The following SOX13 variants were observed in gnomAD, a reference collection of about 807,000 sequenced individuals.
SOX13 encodes the protein transcription factor SOX-13.
A neutral mutation model predicts 71.8 loss-of-function variants in SOX13; 28 were observed. The observed-to-expected ratio is 0.39, with a 90% confidence interval of 0.29 to 0.53. The LOEUF (loss-of-function observed/expected upper bound fraction) is 0.53, where lower values mean the gene tolerates loss of function less well. Among genes scored for constraint, SOX13 ranks in the 20% least tolerant of loss-of-function variants. The pLI, the probability that SOX13 is intolerant of heterozygous loss-of-function variation, is 0.70. For synonymous variants in SOX13, 309 were observed against 317.8 expected (o/e 0.97, Z 0.29); for missense variants, 627 against 810.3 (o/e 0.77, Z 2.75).
chr1:204,122,204 C>A (rs1457078314), intron 8 of SOX13, 33 bp from the exon 9 acceptor site: 5 of 1,526,556 alleles, frequency 3.3e-6, no homozygotes, highest in Non-Finnish European at 4.4e-6. Flanking sequence ...CCTTTGGTGT[C>A]TGTCATCCTC....
chr1:204,090,022 C>T (rs1276632593), intron 1 of SOX13, among the ~76,000 whole-genome samples: 3 of 152,194 alleles, frequency 2.0e-5, no homozygotes, highest in South Asian at 2.1e-4. Flanking sequence ...CTGAAGCCCC[C>T]GGGGCCTCTG....
chr1:204,078,029 G>A lies in SOX13; in HGVS notation c.-2+4318G>A, dbSNP rs117908379. 399 of 152,308 alleles carry A rather than the reference G, an allele frequency of 2.6e-3. 5 individuals are homozygous for A. In the East Asian group the frequency reaches 0.036, roughly 14 times the overall value. 9.4% of individuals were successfully genotyped at this position (152,308 alleles called of 1,614,324 possible). Reference sequence around the variant, plus strand: ...GCGTTTCACCGTGTTGGTTTGGCTGGTCTCGAACTCCTGACCTCAAATTAT... The same window carrying A: ...GCGTTTCACCGTGTTGGTTTGGCTGATCTCGAACTCCTGACCTCAAATTAT... On this transcript the variant is annotated intron_variant, in intron 1 of 13. Transcript: ENST00000367204.
intron 7 of SOX13, 145 bp from the exon 8 acceptor site, chr1:204,121,754 CT>C (rs1338513740): frequency 5.7e-6 from 4 of 704,182 alleles, no homozygotes; most frequent in Non-Finnish European, 7.8e-6. Flanking sequence ...CCAAGCAGTG[CT>C]TTGGGGCTGG....
At chr1:204,089,926 AG>A (rs1656106951) in intron 1 of SOX13, among the ~76,000 whole-genome samples, 1 of 152,196 alleles carries the variant, frequency 6.6e-6, no homozygotes, top group Non-Finnish European at 1.5e-5. Flanking sequence ...CTAGTCTTCA[AG>A]GGGCCAGCAT....
intron 2 of SOX13, among the ~76,000 whole-genome samples, chr1:204,113,430 GA>G (rs996524016): frequency 6.6e-5 from 10 of 152,192 alleles, no homozygotes; most frequent in Admixed American, 1.3e-4. Flanking sequence ...GGGGAGATGG[GA>G]CACACATGCT....
rs943760161 is a variant in SOX13, at chr1:204,073,912, C to G, written c.-2+201C>G. ...CTGGGCAGTGGCGGCTCCTCCCTGG[C>G]CGACTTGGGTCCTTGTGGAGAGGGA... On this transcript the variant is annotated intron_variant, in intron 1 of 13. Transcript: ENST00000367204. The surrounding 1 kb of genome is among the most constrained non-coding windows in gnomAD (Gnocchi z 6.8). 6.5e-6 allele frequency: 1 copy of G among 152,872 alleles called. No homozygotes were observed. Among genetic ancestry groups the G allele is most frequent in the African/African-American group, 2.4e-5 (1 of 41,452 alleles). The allele number at this position is 152,872 out of a possible 1,614,324, so 9.5% of individuals were successfully genotyped here.
At chr1:204,122,506 A>G in intron 9 of SOX13, 107 bp downstream of exon 9, 2 of 874,664 alleles carry the variant, frequency 2.3e-6, no homozygotes, top group Non-Finnish European at 3.5e-6. Context: ...TCCAGATTTT[A>G]TCAAATGAGG....
intron 6 of SOX13, 28 bp from the exon 7 acceptor site, chr1:204,117,565 G>A (rs764727612): frequency 2.1e-6 from 3 of 1,459,512 alleles, no homozygotes; most frequent in Non-Finnish European, 2.9e-6. Flanking sequence ...GGTCCCTGGG[G>A]ACTCACACAG....
intron 1 of SOX13, among the ~76,000 whole-genome samples, chr1:204,103,764 A>G (rs1051126825): frequency 2.0e-5 from 3 of 152,174 alleles, no homozygotes; most frequent in African/African-American, 7.2e-5. Context: ...GATGAGGCCT[A>G]CCCCTGCCTT....
intron 1 of SOX13, among the ~76,000 whole-genome samples, chr1:204,086,194 C>T (rs768041759): frequency 1.3e-5 from 2 of 152,232 alleles, no homozygotes; most frequent in Admixed American, 6.5e-5. Context: ...CCTCCAGGGT[C>T]GGGTGCCAGC....
intron 1 of SOX13, among the ~76,000 whole-genome samples, chr1:204,076,214 C>G (rs1162065934): frequency 1.3e-5 from 2 of 152,192 alleles, no homozygotes; most frequent in Non-Finnish European, 2.9e-5. Context: ...AAGGAATTGT[C>G]TCCAAAAGGG....
chr1:204,122,430 C>G lies in SOX13; in HGVS notation c.1024+31C>G, dbSNP rs373705730. 1.9e-5 allele frequency: 29 copies of G among 1,552,804 alleles called. No individual in the cohort carries two copies. In the African/African-American group the frequency reaches 2.3e-4, roughly 12 times the overall value. On this transcript the variant is annotated intron_variant, in intron 9 of 13. Transcript: ENST00000367204. ...CCTCCTGCTGCCTGCACTTGTCCCT[C>G]AGCCCTCTTAGGGGAGAGCCGGCGG...
At chr1:204,093,153 G>A (rs748494461) in intron 1 of SOX13, among the ~76,000 whole-genome samples, 12 of 152,134 alleles carry the variant, frequency 7.9e-5, no homozygotes, top group Admixed American at 2.6e-4. Flanking sequence ...CATGGACCTC[G>A]CTATGCTGGC....
At chr1:204,124,910 C>A in intron 13 of SOX13, 53 bp downstream of exon 13, 1 of 1,341,530 alleles carries the variant, frequency 7.5e-7, no homozygotes, top group South Asian at 1.3e-5. Flanking sequence ...ATGTGTAGCT[C>A]TCATGAGTGG....
chr1:204,122,571 GTC>G (rs1325690587), intron 9 of SOX13, 172 bp downstream of exon 9: 1 of 619,848 alleles, frequency 1.6e-6, no homozygotes, highest in African/African-American at 1.8e-5. Context: ...CATCATATCT[GTC>G]TGGGCATTCC....
At chr1:204,119,084 G>C (rs1162759698) in intron 7 of SOX13, 2 of 152,222 alleles carry the variant, frequency 1.3e-5, no homozygotes, top group African/African-American at 4.8e-5. Context: ...AGGCGAGAAA[G>C]AGAGAGAGAA....
At position 204,123,565 on chromosome 1, in the gene SOX13, T is replaced by C; in HGVS notation, c.1232-96T>C. ...CTGCTGTGGGAGCCTCCTCAGTGCC[T>C]CCTGCTGGTCAAGTAGGGGACGTCT... On this transcript the variant is annotated intron_variant, in intron 11 of 13. Coordinates refer to ENST00000367204, the MANE Select transcript of SOX13 (RefSeq NM_005686.3). This position sits in a 1 kb window ranked among gnomAD's most constrained non-coding sequence, Gnocchi z 5.0. 7.2e-7 allele frequency: 1 copy of C among 1,382,446 alleles called. No individual in the cohort carries two copies. The highest frequency in any genetic ancestry group is 1.3e-5 in the South Asian group (1 of 75,216). The allele number at this position is 1,382,446 out of a possible 1,614,324, so 85.6% of individuals were successfully genotyped here.
chr1:204,123,750 A>G lies in SOX13; in HGVS notation c.1321A>G (p.Lys441Glu). 6.2e-7 allele frequency: 1 copy of G among 1,614,164 alleles called. No homozygotes were observed. The highest frequency in any genetic ancestry group is 8.5e-7 in the Non-Finnish European group (1 of 1,180,034). ...FMVWAKDERR[K>E]ILQAFPDMHN... ...GGTGTGGGCCAAGGATGAGCGGAGGAAGATCCTGCAAGCCTTCCCAGACAT... is the reference window on the plus strand; with the variant it reads ...GGTGTGGGCCAAGGATGAGCGGAGGGAGATCCTGCAAGCCTTCCCAGACAT... Residue 441 changes from lysine (K) to glutamate (E), a missense_variant, in exon 12 of 14, where the codon AAG becomes GAG. Transcript: ENST00000367204. The surrounding 1 kb of genome is among the most constrained non-coding windows in gnomAD (Gnocchi z 5.0).
intron 1 of SOX13, among the ~76,000 whole-genome samples, chr1:204,105,413 CTT>C (rs35841451): frequency 1.4e-5 from 2 of 137,980 alleles, no homozygotes; most frequent in African/African-American, 6.2e-5. Context: ...TGTATAATCT[CTT>C]TTTTTTTTGA....
Sources: gnomAD v4.1 joint callset for allele counts (sites outside exome capture counted in the v4.1 genomes callset) on GRCh38, gnomAD v4.1.1 for gene constraint, Gnocchi (gnomAD v3.1) non-coding constraint, MANE v1.5 for transcripts, NCBI Gene and HGNC (gene_info 2026-07-23, HGNC 2026-07-21) for gene names.